The following MGAT5 variants were observed in gnomAD, a reference collection of about 807,000 sequenced individuals.
MGAT5 encodes alpha-1,6-mannosylglycoprotein 6-beta-N-acetylglucosaminyltransferase A.
A neutral mutation model predicts 94.3 loss-of-function variants in MGAT5; 30 were observed. That is an observed-to-expected ratio of 0.32 (90% CI 0.24 to 0.43). The LOEUF is 0.43. Among genes scored for constraint, MGAT5 ranks in the 20% least tolerant of loss-of-function variants. The pLI, the probability that MGAT5 is intolerant of heterozygous loss-of-function variation, is 1.00. For missense variants in MGAT5, 691 were observed against 905.5 expected (o/e 0.76, Z 3.04); for synonymous variants, 310 against 322.9 (o/e 0.96, Z 0.43).
chr2:134,389,985 T>C (rs1358652824), intron 10 of MGAT5, among the ~76,000 whole-genome samples: 1 of 152,188 alleles, frequency 6.6e-6, no homozygotes, highest in Non-Finnish European at 1.5e-5. Flanking sequence ...CATCACTTTT[T>C]CCCAATCCTT....
upstream of MGAT5, chr2:134,253,043 C>CAAT (rs1160214060): frequency 1.3e-5 from 2 of 152,208 alleles, no homozygotes; most frequent in Non-Finnish European, 2.9e-5. Context: ...TGGTATGTCA[C>CAAT]AATATCTGGG....
At chr2:134,172,140 G>A (rs980269355) in intron 1 of MGAT5, among the ~76,000 whole-genome samples, 1 of 152,100 alleles carries the variant, frequency 6.6e-6, no homozygotes, top group Non-Finnish European at 1.5e-5. Context: ...CTTGACCATG[G>A]CCACTTAATT....
intron 1 of MGAT5, among the ~76,000 whole-genome samples, chr2:134,219,649 C>T (rs1680659415): frequency 6.6e-6 from 1 of 152,170 alleles, no homozygotes; most frequent in East Asian, 1.9e-4. Flanking sequence ...ATCTGTCAGG[C>T]ACCACTTAAC....
intron 1 of MGAT5, among the ~76,000 whole-genome samples, chr2:134,184,742 T>C (rs1688918773): frequency 6.6e-6 from 1 of 151,992 alleles, no homozygotes; most frequent in Non-Finnish European, 1.5e-5. Context: ...TGTACCCTAC[T>C]ACATTTTGAG....
Position 134,223,448 on chromosome 2 carries a change from T to C in MGAT5, c.-142-30814T>C, listed in dbSNP as rs1170241500. Among the ~76,000 whole-genome samples, 9 of 152,304 alleles carry C rather than the reference T, an allele frequency of 5.9e-5. No homozygotes were observed. In the East Asian group the frequency reaches 1.7e-3, roughly 29 times the overall value. ...ACCATGATTTTTGTTTTCTTGGAAGTAAAACATTTATATTTTGACAGTTAT... is the reference window on the plus strand; with the variant it reads ...ACCATGATTTTTGTTTTCTTGGAAGCAAAACATTTATATTTTGACAGTTAT... On this transcript the variant is annotated intron_variant, in intron 1 of 16. Coordinates refer to the MGAT5 transcript ENST00000409645.
chr2:134,325,236 C>G (rs1372734849), intron 4 of MGAT5, among the ~76,000 whole-genome samples: 1 of 152,118 alleles, frequency 6.6e-6, no homozygotes, highest in East Asian at 1.9e-4. Context: ...ATCAACACTT[C>G]TTTGACTGCT....
intron 1 of MGAT5, among the ~76,000 whole-genome samples, chr2:134,160,076 A>T (rs1173335874): frequency 6.6e-6 from 1 of 151,934 alleles, no homozygotes; most frequent in East Asian, 1.9e-4. Context: ...AGGAAGGGGG[A>T]TGGGTTTACA....
At chr2:134,298,698 CTT>C in intron 2 of MGAT5, among the ~76,000 whole-genome samples, 1 of 152,158 alleles carries the variant, frequency 6.6e-6, no homozygotes, top group East Asian at 1.9e-4. Context: ...CCTGGAGTCT[CTT>C]TTGATTAGAT....
At chr2:134,232,138 G>A (rs1198828924) in intron 1 of MGAT5, among the ~76,000 whole-genome samples, 1 of 152,052 alleles carries the variant, frequency 6.6e-6, no homozygotes, top group Non-Finnish European at 1.5e-5. Flanking sequence ...ATTGCCCACT[G>A]TCCTGCTGAT....
At chr2:134,434,817 C>A (rs558387997) in intron 14 of MGAT5, among the ~76,000 whole-genome samples, 1 of 152,178 alleles carries the variant, frequency 6.6e-6, no homozygotes, top group Non-Finnish European at 1.5e-5. Context: ...TTGTTTCATA[C>A]TGTTCGGTAA....
In MGAT5 at chr2:134,346,150, C is replaced by T. The variant is rs143679905; in HGVS notation, c.1112+1086C>T. On this transcript the variant is annotated intron_variant, in intron 8 of 15. Coordinates refer to ENST00000281923, the MANE Select transcript of MGAT5 (RefSeq NM_002410.5). ...CTGTTGTTTTCTACCATTTTGTAAA[C>T]GGCAGACATCTGATAAATGTGCAAA... Among the ~76,000 whole-genome samples the T allele has an allele frequency of 5.1e-3, 774 of 152,178 alleles. 4 individuals carry two copies. Among genetic ancestry groups the T allele is most frequent in the African/African-American group, 0.018 (742 of 41,516 alleles).
chr2:134,419,442 T>TTGTG (rs56181696), intron 12 of MGAT5, among the ~76,000 whole-genome samples: 15,092 of 134,016 alleles, frequency 0.11, 993 homozygotes, highest in African/African-American at 0.16. Flanking sequence ...GCTTCAGGGT[T>TTGTG]TGTGTGTGTG....
chr2:134,387,651 C>T (rs1170760485), intron 10 of MGAT5, among the ~76,000 whole-genome samples: 2 of 152,022 alleles, frequency 1.3e-5, no homozygotes, highest in African/African-American at 4.8e-5. Flanking sequence ...AACAAAACAC[C>T]TAGCAAGCTC....
intron 10 of MGAT5, among the ~76,000 whole-genome samples, chr2:134,373,178 C>T (rs1573947446): frequency 6.6e-6 from 1 of 152,198 alleles, no homozygotes; most frequent in African/African-American, 2.4e-5. Context: ...AGATGGGTGG[C>T]AGCTGCCCAT....
chr2:134,260,697 T>TTTCTC (rs1683270864), intron 1 of MGAT5, among the ~76,000 whole-genome samples: 1 of 145,918 alleles, frequency 6.9e-6, no homozygotes, highest in African/African-American at 2.6e-5. Context: ...TTCTTTTTTC[T>TTTCTC]TTTTCTTTTT....
At chr2:134,239,124 G>C (rs879922492) in intron 1 of MGAT5, among the ~76,000 whole-genome samples, 19 of 151,986 alleles carry the variant, frequency 1.3e-4, no homozygotes, top group Admixed American at 1.2e-3. Flanking sequence ...TCAGCCTCCC[G>C]AGTAGCTGGG....
At chr2:134,185,813 A>C (rs948828959) in intron 1 of MGAT5, among the ~76,000 whole-genome samples, 15 of 152,196 alleles carry the variant, frequency 9.9e-5, no homozygotes, top group Non-Finnish European at 1.9e-4. Context: ...CCTTGTAGGG[A>C]AGAGGAGAGA....
intron 14 of MGAT5, among the ~76,000 whole-genome samples, chr2:134,436,654 CTG>C: frequency 6.6e-6 from 1 of 152,202 alleles, no homozygotes; most frequent in East Asian, 1.9e-4. Flanking sequence ...TCATCTAGGG[CTG>C]CCCCAGATTC....
intron 1 of MGAT5, among the ~76,000 whole-genome samples, chr2:134,217,234 G>GT (rs1174284271): frequency 3.2e-3 from 298 of 92,326 alleles, no homozygotes; most frequent in African/African-American, 8.8e-3. Context: ...GAGGGAGAGA[G>GT]AGTGGTGTGT....
Sources: allele counts gnomAD v4.1 joint callset (sites outside exome capture counted in the v4.1 genomes callset), GRCh38; gene constraint gnomAD v4.1.1; transcripts MANE v1.5; gene names NCBI Gene and HGNC (gene_info 2026-07-23, HGNC 2026-07-21).